The following AGPS variants were observed in gnomAD, a reference collection of about 807,000 sequenced individuals.
AGPS encodes alkylglycerone phosphate synthase, also known as alkyldihydroxyacetonephosphate synthase, peroxisomal.
A neutral mutation model predicts 90.7 loss-of-function variants in AGPS; 26 were observed. The ratio of observed to expected loss-of-function variants is 0.29; its 90% CI spans 0.21 to 0.40. The LOEUF is 0.40. AGPS is among the 10% of genes least tolerant of loss of function. The pLI is 1.00. For synonymous variants in AGPS, 294 were observed against 285.3 expected (o/e 1.03, Z -0.31); for missense variants, 540 against 816.1 (o/e 0.66, Z 4.12).
intron 11 of AGPS, among the ~76,000 whole-genome samples, chr2:177,486,391 A>T (rs1429153402): frequency 6.6e-6 from 1 of 152,200 alleles, no homozygotes; most frequent in African/African-American, 2.4e-5. Context: ...AGAGTGGTAC[A>T]GTATTTGCTG....
intron 7 of AGPS, among the ~76,000 whole-genome samples, chr2:177,443,868 T>C (rs1686686205): frequency 6.6e-6 from 1 of 152,168 alleles, no homozygotes; most frequent in African/African-American, 2.4e-5. Context: ...TTTCTGTGAG[T>C]GCCTATGAAG....
chr2:177,494,913 T>C (rs910143190), intron 12 of AGPS, among the ~76,000 whole-genome samples: 11 of 152,126 alleles, frequency 7.2e-5, no homozygotes, highest in African/African-American at 2.7e-4. Flanking sequence ...AAAGAGGAAA[T>C]AATGCTTAGC....
intron 8 of AGPS, among the ~76,000 whole-genome samples, chr2:177,457,111 G>C (rs144168602): frequency 6.6e-6 from 1 of 152,178 alleles, no homozygotes; most frequent in African/African-American, 2.4e-5. Context: ...ATAACGAAAT[G>C]AAGGCAGAAA....
At chr2:177,458,181 A>T (rs895216746) in intron 8 of AGPS, among the ~76,000 whole-genome samples, 14 of 152,206 alleles carry the variant, frequency 9.2e-5, no homozygotes, top group African/African-American at 3.4e-4. Context: ...GTATCGATGG[A>T]ACGTATCTCA....
In AGPS at chr2:177,498,270, A is replaced by AT. The variant is rs991180387; in HGVS notation, c.1362+513dup. The stretch of plus-strand genomic sequence containing the variant: ...AGCTCCAATGAGACTGAACGTTAAC[A>AT]TTTTTTTTATTTTCTAGATCTAATT... On this transcript the variant is annotated intron_variant, in intron 13 of 19. Coordinates refer to ENST00000264167, the MANE Select transcript of AGPS (RefSeq NM_003659.4). Among the ~76,000 whole-genome samples the AT allele has an allele frequency of 2.6e-5, 4 of 151,246 alleles. No individual in the cohort carries two copies. The East Asian group carries it at 5.8e-4, about 22-fold the overall frequency.
intron 19 of AGPS, among the ~76,000 whole-genome samples, chr2:177,529,348 T>C (rs904615558): frequency 2.0e-5 from 3 of 151,986 alleles, no homozygotes; most frequent in African/African-American, 7.2e-5. Flanking sequence ...CACATGCCTA[T>C]AGTCCTAACT....
At chr2:177,431,172 A>T (rs1237124105) in intron 2 of AGPS, among the ~76,000 whole-genome samples, 1 of 152,186 alleles carries the variant, frequency 6.6e-6, no homozygotes, top group East Asian at 1.9e-4. Flanking sequence ...CGGGGGTGAT[A>T]CCACATTATC....
At chr2:177,458,853 G>A (rs368675468) in intron 8 of AGPS, among the ~76,000 whole-genome samples, 2 of 152,278 alleles carry the variant, frequency 1.3e-5, no homozygotes, top group African/African-American at 2.4e-5. Context: ...CAAAAAAAGA[G>A]CCCACGTAGC....
chr2:177,404,306 C>T (rs945417398), intron 1 of AGPS, among the ~76,000 whole-genome samples: 3 of 152,074 alleles, frequency 2.0e-5, no homozygotes, highest in Non-Finnish European at 2.9e-5. Flanking sequence ...AGAGCTAAGA[C>T]GACTGGCCTA....
chr2:177,419,851 C>T (rs753162042), intron 1 of AGPS, among the ~76,000 whole-genome samples: 90 of 151,742 alleles, frequency 5.9e-4, no homozygotes, highest in Non-Finnish European at 7.5e-4. Flanking sequence ...TTTTAAAAAT[C>T]GTAGCAGAAG....
At chr2:177,447,777 T>C (rs1273307128) in intron 8 of AGPS, among the ~76,000 whole-genome samples, 1 of 152,158 alleles carries the variant, frequency 6.6e-6, no homozygotes, top group Non-Finnish European at 1.5e-5. Context: ...TTCCTACAGC[T>C]ATTTTGATCC....
intron 1 of AGPS, among the ~76,000 whole-genome samples, chr2:177,407,456 G>C (rs1037885854): frequency 6.6e-6 from 1 of 152,136 alleles, no homozygotes; most frequent in Non-Finnish European, 1.5e-5. Context: ...TTACAATCAT[G>C]GCAGAAGATG....
intron 10 of AGPS, among the ~76,000 whole-genome samples, chr2:177,474,735 C>T (rs182623947): frequency 6.6e-6 from 1 of 152,296 alleles, no homozygotes; most frequent in Admixed American, 6.5e-5. Context: ...ACATTTAGAG[C>T]CAGTTCATTC....
intron 8 of AGPS, 60 bp from the exon 9 acceptor site, chr2:177,461,833 T>A: frequency 1.3e-6 from 2 of 1,530,088 alleles, no homozygotes; most frequent in South Asian, 2.2e-5. Context: ...AGTTAATGTG[T>A]TGAGTGCTGT....
Position 177,393,004 on chromosome 2 carries a change from C to T in AGPS, c.215C>T (p.Thr72Met). Reference protein sequence around the residue: ...RAASAATAAPTATPAAQESGT... With the variant: ...RAASAATAAPMATPAAQESGT... ...GCGTCGGCGGCCACGGCAGCGCCCA[C>T]GGCCACTCCCGCCGCGCAGGAGTCG... The change falls in exon 1 of 20, where the codon ACG becomes ATG. Residue 72 changes from threonine (T) to methionine (M), a missense_variant. Transcript: ENST00000264167. The T allele has an allele frequency of 6.5e-7, 1 of 1,550,270 alleles. No individual in the cohort carries two copies. Among genetic ancestry groups the T allele is most frequent in the South Asian group, 1.2e-5 (1 of 84,054 alleles).
intron 11 of AGPS, among the ~76,000 whole-genome samples, chr2:177,484,714 A>G (rs908024207): frequency 5.9e-5 from 9 of 152,158 alleles, no homozygotes; most frequent in Non-Finnish European, 7.4e-5. Flanking sequence ...ACATAATTCT[A>G]ATTCACCATT....
At chr2:177,502,880 A>AC (rs58497344) in intron 14 of AGPS, among the ~76,000 whole-genome samples, 129,622 of 152,060 alleles carry the variant, frequency 0.85, 55,391 homozygotes, top group East Asian at 0.98. Context: ...CACTCTTCCC[A>AC]CCTCAATCCT....
In AGPS at chr2:177,538,246, A is replaced by C; in HGVS notation, c.*51A>C. The C allele has an allele frequency of 1.3e-6, 2 of 1,566,364 alleles. No homozygotes were observed. The highest frequency in any genetic ancestry group is 1.8e-6 in the Non-Finnish European group (2 of 1,138,088). On this transcript the variant is annotated 3_prime_UTR_variant, in exon 20 of 20. Transcript: ENST00000264167. ...TGTCAATTTTTTTTTTAAGTTTTCAACTGTGGTTATACTAGTAATCAAATA... is the reference window on the plus strand; with the variant it reads ...TGTCAATTTTTTTTTTAAGTTTTCACCTGTGGTTATACTAGTAATCAAATA...
intron 1 of AGPS, among the ~76,000 whole-genome samples, chr2:177,396,449 A>G (rs1028742094): frequency 6.6e-6 from 1 of 152,230 alleles, no homozygotes; most frequent in Non-Finnish European, 1.5e-5. Flanking sequence ...AGTGATAAAT[A>G]TAAAGAAAAA....
Sources: allele counts gnomAD v4.1 joint callset (sites outside exome capture counted in the v4.1 genomes callset), GRCh38; gene constraint gnomAD v4.1.1; transcripts MANE v1.5; gene names NCBI Gene and HGNC (gene_info 2026-07-23, HGNC 2026-07-21).